The following PRKCH variants were observed in gnomAD, a reference collection of about 807,000 sequenced individuals.
The protein encoded by PRKCH is protein kinase C eta, also known as protein kinase C eta type.
Under a neutral mutation model 82.5 loss-of-function variants are expected in PRKCH, and 28 were observed. The observed-to-expected ratio is 0.34, with a 90% CI of 0.25 to 0.47. PRKCH has a LOEUF of 0.47. Ranked by LOEUF, PRKCH falls within the 20% of genes least tolerant of loss-of-function variation. PRKCH has a pLI of 1.00. For missense variants in PRKCH, 705 were observed against 881.8 expected, an observed-to-expected ratio of 0.80 and a Z score of 2.54; for synonymous variants, 322 against 327.4, an observed-to-expected ratio of 0.98 and a Z score of 0.18.
intron 1 of PRKCH, among the ~76,000 whole-genome samples, chr14:61,276,338 A>G (rs1187093855): frequency 6.6e-6 from 1 of 151,554 alleles, no homozygotes; most frequent in Non-Finnish European, 1.5e-5. Flanking sequence ...TAAAAATAAC[A>G]GAAGAGGGAC....
At chr14:61,412,370 A>G (rs12587572) in intron 2 of PRKCH, among the ~76,000 whole-genome samples, 48,507 of 152,030 alleles carry the variant, frequency 0.32, 8,262 homozygotes, top group East Asian at 0.58. Context: ...AAAGACCCCA[A>G]TTGGATTTGA....
intron 10 of PRKCH, among the ~76,000 whole-genome samples, chr14:61,506,539 T>C (rs1428305707): frequency 6.6e-6 from 1 of 152,090 alleles, no homozygotes; most frequent in East Asian, 1.9e-4. Flanking sequence ...TCTTCTCTTC[T>C]TTACCCAACC....
intron 2 of PRKCH, among the ~76,000 whole-genome samples, chr14:61,397,537 C>A (rs981239700): frequency 2.6e-5 from 4 of 152,332 alleles, no homozygotes; most frequent in Non-Finnish European, 5.9e-5. Context: ...GGAGCATCAA[C>A]ATTTAAGTAC....
At chr14:61,520,690 G>A (rs901139616) in intron 10 of PRKCH, among the ~76,000 whole-genome samples, 5 of 152,118 alleles carry the variant, frequency 3.3e-5, no homozygotes, top group African/African-American at 1.2e-4. Flanking sequence ...GAAACAATGA[G>A]CTCATTTTTC....
rs1189864711 is a variant in PRKCH at position 61,356,316 on chromosome 14, G to C, written c.363+33852G>C. ...GCTGTGTTGCCAAGGAGGGGAGCTT[G>C]TACCCATTTTATCCTTGTGCTCCTT... On this transcript the variant is annotated intron_variant, in intron 1 of 13. Transcript: ENST00000332981. Among the ~76,000 whole-genome samples the C allele has an allele frequency of 2.0e-5, 3 of 152,278 alleles. No individual in the cohort carries two copies. The South Asian group carries it at 6.2e-4, about 32-fold the overall frequency.
At chr14:61,530,703 T>A in intron 12 of PRKCH, 108 bp downstream of exon 12, 1 of 1,019,276 alleles carries the variant, frequency 9.8e-7, no homozygotes, top group Non-Finnish European at 1.4e-6. Flanking sequence ...TAGCTCTAAC[T>A]AAAATTTGTA....
In PRKCH at chr14:61,483,543, AG is replaced by A. The variant is rs576073424; in HGVS notation, c.1279-1955del. Among the ~76,000 whole-genome samples, 617 of 152,290 alleles carry A rather than the reference AG, an allele frequency of 4.1e-3. 3 individuals are homozygous for A. Among genetic ancestry groups the A allele is most frequent in the Admixed American group, 4.9e-3 (75 of 15,304 alleles). On this transcript the variant is annotated intron_variant, in intron 9 of 13. Coordinates refer to ENST00000332981, the MANE Select transcript of PRKCH (RefSeq NM_006255.5). ...GCAGAAAGAAGTGTTTAATAAATTCAGGGGATTTTTTTTTCTTCTAATTAAG... is the reference window on the plus strand; with the variant it reads ...GCAGAAAGAAGTGTTTAATAAATTCAGGGATTTTTTTTTCTTCTAATTAAG...
rs571196222 is a variant in PRKCH at position 61,322,678 on chromosome 14, C to T, written c.363+214C>T. On this transcript the variant is annotated intron_variant, in intron 1 of 13. Coordinates refer to ENST00000332981, the MANE Select transcript of PRKCH (RefSeq NM_006255.5). ...TGTCTCCAGGAAGCCGGCCTGGACA[C>T]GATCCCCTTTCAGGACAGCGGCTTG... 17 of 608,186 alleles carry T rather than the reference C, an allele frequency of 2.8e-5. No homozygotes were observed. The African/African-American group carries it at 3.1e-4, about 11-fold the overall frequency. 37.7% of individuals were successfully genotyped at this position (608,186 alleles called of 1,614,324 possible). A position where few individuals can be genotyped will look rare whatever the true frequency, so the allele number is the denominator to read the frequency against.
At chr14:61,547,126 A>C (rs535273311) in intron 12 of PRKCH, among the ~76,000 whole-genome samples, 2 of 152,320 alleles carry the variant, frequency 1.3e-5, no homozygotes, top group East Asian at 3.9e-4. Flanking sequence ...GGTGGGGGGA[A>C]CATCTTGAAG....
At chr14:61,221,550 G>A (rs1454389877) in intron 1 of PRKCH, among the ~76,000 whole-genome samples, 2 of 151,850 alleles carry the variant, frequency 1.3e-5, no homozygotes, top group Admixed American at 6.6e-5. Flanking sequence ...AGCGATGGGG[G>A]CATATTAAAG....
intron 9 of PRKCH, 119 bp downstream of exon 9, chr14:61,457,798 G>A (rs1194837521): frequency 1.5e-6 from 2 of 1,375,000 alleles, no homozygotes; most frequent in Non-Finnish European, 2.0e-6. Context: ...GGCTCCCAAG[G>A]CAGGGTCATA....
In PRKCH at chr14:61,372,000, A is replaced by C. The variant is rs113469525; in HGVS notation, c.364-19225A>C. Among the ~76,000 whole-genome samples the C allele has an allele frequency of 2.8e-3, 430 of 151,992 alleles. 6 individuals are homozygous for C. The highest frequency in any genetic ancestry group is 9.9e-3 in the African/African-American group (408 of 41,346). On this transcript the variant is annotated intron_variant, in intron 1 of 13. Transcript: ENST00000332981. ...ATGATTGTGCTCCTCAAATTGTTTC[A>C]GATTTGGTTTTTGGGAGCTGTTTCA...
chr14:61,199,814 T>G (rs1019718792), intron 1 of PRKCH, among the ~76,000 whole-genome samples: 1 of 152,198 alleles, frequency 6.6e-6, no homozygotes, highest in Non-Finnish European at 1.5e-5. Flanking sequence ...GCATTAAACT[T>G]AAGCTGCACG....
chr14:61,329,674 C>T (rs1284485727), intron 1 of PRKCH, among the ~76,000 whole-genome samples: 2 of 152,178 alleles, frequency 1.3e-5, no homozygotes, highest in Admixed American at 6.5e-5. Flanking sequence ...CTTCGCTTTG[C>T]TAATTCTTCC....
At chr14:61,309,940 A>G (rs937423614) in intron 1 of PRKCH, among the ~76,000 whole-genome samples, 1 of 151,736 alleles carries the variant, frequency 6.6e-6, no homozygotes, top group African/African-American at 2.4e-5. Flanking sequence ...GGTGGCAGGC[A>G]AGAGAGAGTG....
At chr14:61,326,104 A>T (rs75676886) in intron 1 of PRKCH, among the ~76,000 whole-genome samples, 1 of 152,234 alleles carries the variant, frequency 6.6e-6, no homozygotes, top group Non-Finnish European at 1.5e-5. Flanking sequence ...TTTAGTATTT[A>T]CTAAAAGAAA....
At chr14:61,485,362 G>GA in intron 9 of PRKCH, 140 bp from the exon 10 acceptor site, 3 of 1,139,340 alleles carry the variant, frequency 2.6e-6, no homozygotes, top group Non-Finnish European at 3.8e-6. Flanking sequence ...ACTGCACCCT[G>GA]ACCCATGGTC....
chr14:61,293,780 T>C (rs1167366131), intron 1 of PRKCH, among the ~76,000 whole-genome samples: 1 of 152,198 alleles, frequency 6.6e-6, no homozygotes, highest in Non-Finnish European at 1.5e-5. Flanking sequence ...GAAAAGTTAG[T>C]TTCCTAGACA....
chr14:61,418,450 A>C (rs1010468201), intron 2 of PRKCH, among the ~76,000 whole-genome samples: 6 of 152,198 alleles, frequency 3.9e-5, no homozygotes, highest in Non-Finnish European at 5.9e-5. Context: ...AGGCCTGACA[A>C]CCTCTGGATG....
Sources: gnomAD v4.1 joint callset for allele counts (sites outside exome capture counted in the v4.1 genomes callset) on GRCh38, gnomAD v4.1.1 for gene constraint, MANE v1.5 for transcripts, NCBI Gene and HGNC (gene_info 2026-07-23, HGNC 2026-07-21) for gene names.